WWOX: variants seen among roughly 807,000 people sequenced by gnomAD.
The protein encoded by WWOX is WW domain-containing oxidoreductase.
A neutral mutation model predicts 46.2 loss-of-function variants in WWOX; 69 were observed. The observed-to-expected ratio is 1.49, with a 90% CI of 1.23 to 1.82. WWOX has a LOEUF of 1.82. Ranked by LOEUF, WWOX falls within the 40% of genes most tolerant of loss-of-function variation. The probability of loss-of-function intolerance (pLI) is 0.00; values close to 1 mark genes in which losing one functional copy is unlikely to be tolerated. For missense variants in WWOX, 919 were observed against 542.6 expected, an observed-to-expected ratio of 1.69 and a Z score of -6.89; for synonymous variants, 359 against 202.6, an observed-to-expected ratio of 1.77 and a Z score of -6.56.
At chr16:78,835,122 A>C (rs1249489636) in intron 8 of WWOX, among the ~76,000 whole-genome samples, 4 of 152,172 alleles carry the variant, frequency 2.6e-5, no homozygotes, top group Non-Finnish European at 4.4e-5. Flanking sequence ...TTAAGGTAAT[A>C]TATGGGCTTG....
chr16:78,220,075 G>A (rs1186674647), intron 5 of WWOX, among the ~76,000 whole-genome samples: 1 of 152,122 alleles, frequency 6.6e-6, no homozygotes, highest in African/African-American at 2.4e-5. Flanking sequence ...CTGTAGAATG[G>A]GAGGTAATGC....
At chr16:78,962,302 CTTT>C (rs746960241) in intron 8 of WWOX, among the ~76,000 whole-genome samples, 26 of 31,948 alleles carry the variant, frequency 8.1e-4, no homozygotes, top group Non-Finnish European at 1.3e-3. Flanking sequence ...GCAAGGCATC[CTTT>C]TTTTTTTTTT....
At chr16:78,298,482 T>C (rs1233914117) in intron 5 of WWOX, among the ~76,000 whole-genome samples, 2 of 152,120 alleles carry the variant, frequency 1.3e-5, no homozygotes, top group Admixed American at 1.3e-4. Context: ...TTTTCTCCTG[T>C]AAATTGGGAT....
Position 79,212,014 on chromosome 16 carries a change from G to A in WWOX, c.*218G>A, listed in dbSNP as rs538055235. The A allele has an allele frequency of 1.3e-6, 2 of 1,536,240 alleles. No individual in the cohort carries two copies. Among genetic ancestry groups the A allele is most frequent in the Non-Finnish European group, 1.7e-6 (2 of 1,146,932 alleles). Reference sequence around the variant, plus strand: ...TTTTCTGGGGCTGGGCTAGGCATAGGTCTCTTTGCTTTCTGGTGGTGGCCT... The same window carrying A: ...TTTTCTGGGGCTGGGCTAGGCATAGATCTCTTTGCTTTCTGGTGGTGGCCT... On this transcript the variant is annotated 3_prime_UTR_variant, in exon 9 of 9. Transcript: ENST00000566780.
chr16:78,324,574 T>C (rs533264794), intron 5 of WWOX, among the ~76,000 whole-genome samples: 5 of 152,150 alleles, frequency 3.3e-5, no homozygotes, highest in Non-Finnish European at 7.4e-5. Flanking sequence ...TTGTGGTAAA[T>C]GCGTGTAATG....
intron 8 of WWOX, among the ~76,000 whole-genome samples, chr16:78,557,976 T>G (rs1223325397): frequency 2.6e-5 from 4 of 152,008 alleles, no homozygotes; most frequent in Non-Finnish European, 5.9e-5. Flanking sequence ...AGCAGGAATT[T>G]CATTGGATTT....
Position 78,341,747 on chromosome 16 carries a change from G to C in WWOX, c.517-45113G>C, listed in dbSNP as rs568809073. On this transcript the variant is annotated intron_variant, in intron 5 of 8. Transcript: ENST00000566780. ...ATGGGTGGCAGGTCAGTGTTGCTGAGGGATGTGGACATGTCTGAGGCCAAA... is the reference window on the plus strand; with the variant it reads ...ATGGGTGGCAGGTCAGTGTTGCTGACGGATGTGGACATGTCTGAGGCCAAA... Among the ~76,000 whole-genome samples the C allele has an allele frequency of 9.1e-5, 11 of 120,794 alleles. 3 individuals are homozygous for C. The highest frequency in any genetic ancestry group is 3.1e-4 in the African/African-American group (11 of 35,752). 79.2% of individuals were successfully genotyped at this position (120,794 alleles called of 152,430 possible). A position where few individuals can be genotyped will look rare whatever the true frequency, so the allele number is the denominator to read the frequency against.
chr16:78,587,193 CTTTTTTTTT>C (rs528293412), intron 8 of WWOX, among the ~76,000 whole-genome samples: 4 of 112,888 alleles, frequency 3.5e-5, no homozygotes, highest in East Asian at 3.1e-4. Context: ...GCCTGGCTAA[CTTTTTTTTT>C]TTTTTTTTTT....
chr16:78,945,150 A>G (rs2045925033), intron 8 of WWOX, among the ~76,000 whole-genome samples: 1 of 152,174 alleles, frequency 6.6e-6, no homozygotes, highest in Admixed American at 6.5e-5. Context: ...TCTGGAGTCC[A>G]CCCTGGGTGA....
chr16:78,996,319 A>G (rs2046986565), intron 8 of WWOX: 1 of 983,482 alleles, frequency 1.0e-6, no homozygotes, highest in African/African-American at 1.8e-5. Flanking sequence ...ATGTTTTTCT[A>G]CCGTGACAGA....
chr16:79,210,802 C>T (rs1245704251), intron 8 of WWOX, among the ~76,000 whole-genome samples: 2 of 152,108 alleles, frequency 1.3e-5, no homozygotes, highest in African/African-American at 4.8e-5. Flanking sequence ...GATGCCTCAT[C>T]ACTGCACACG....
At chr16:78,109,985 C>T in intron 3 of WWOX, 150 bp downstream of exon 3, 1 of 852,780 alleles carries the variant, frequency 1.2e-6, no homozygotes, top group Non-Finnish European at 1.9e-6. Flanking sequence ...TTTAACATCG[C>T]TGGAACTTTT....
chr16:78,430,268 C>G (rs1224721859), intron 7 of WWOX, among the ~76,000 whole-genome samples: 1 of 152,158 alleles, frequency 6.6e-6, no homozygotes, highest in Non-Finnish European at 1.5e-5. Flanking sequence ...TCACTTATCT[C>G]CACCTGGCTC....
intron 5 of WWOX, among the ~76,000 whole-genome samples, chr16:78,183,041 T>C (rs1014533380): frequency 1.3e-5 from 2 of 152,084 alleles, no homozygotes; most frequent in Non-Finnish European, 1.5e-5. Context: ...TATGCATCTA[T>C]GACAGCACGG....
intron 8 of WWOX, among the ~76,000 whole-genome samples, chr16:78,761,589 T>G (rs1400543466): frequency 1.3e-5 from 2 of 152,134 alleles, no homozygotes; most frequent in Non-Finnish European, 2.9e-5. Context: ...GGACTCTCGC[T>G]GGTCTAGAGG....
At chr16:79,172,598 GT>G (rs1419468706) in intron 8 of WWOX, among the ~76,000 whole-genome samples, 1 of 152,156 alleles carries the variant, frequency 6.6e-6, no homozygotes, top group Non-Finnish European at 1.5e-5. Flanking sequence ...TTAGGAGTGT[GT>G]TTTTGCCCTC....
chr16:79,089,739 T>C (rs1368015858), intron 8 of WWOX, among the ~76,000 whole-genome samples: 1 of 152,184 alleles, frequency 6.6e-6, no homozygotes, highest in African/African-American at 2.4e-5. Context: ...CAGATTACCA[T>C]ATTAGTTGCC....
chr16:78,755,081 G>C (rs1401305368), intron 8 of WWOX, among the ~76,000 whole-genome samples: 2 of 151,132 alleles, frequency 1.3e-5, no homozygotes, highest in Non-Finnish European at 2.9e-5. Context: ...AGAGCATTAG[G>C]ACACATATCT....
At chr16:78,546,007 T>A (rs911394969) in intron 8 of WWOX, among the ~76,000 whole-genome samples, 4 of 152,310 alleles carry the variant, frequency 2.6e-5, no homozygotes, top group East Asian at 1.9e-4. Context: ...GATATAAATT[T>A]GAGGGGGACG....
Sources: gnomAD v4.1 joint callset for allele counts (sites outside exome capture counted in the v4.1 genomes callset) on GRCh38, gnomAD v4.1.1 for gene constraint, MANE v1.5 for transcripts, NCBI Gene and HGNC (gene_info 2026-07-23, HGNC 2026-07-21) for gene names.